IL6ST: variants seen among roughly 807,000 people sequenced by gnomAD.
The protein encoded by IL6ST is interleukin 6 cytokine family signal transducer.
Under a neutral mutation model 91.3 loss-of-function variants are expected in IL6ST, and 24 were observed. That is an observed-to-expected ratio of 0.26 (90% CI 0.19 to 0.37). The LOEUF is 0.37. Ranked by LOEUF, IL6ST falls within the 10% of genes least tolerant of loss-of-function variation. The pLI, the probability that IL6ST is intolerant of heterozygous loss-of-function variation, is 1.00. For synonymous variants in IL6ST, 351 were observed against 373.6 expected (o/e 0.94, Z 0.70); for missense variants, 914 against 1,078.5 (o/e 0.85, Z 2.14).
At position 55,968,389 on chromosome 5, in the gene IL6ST, T is replaced by A. The variant is rs377617302; in HGVS notation, c.378A>T (p.Pro126=). The change falls in exon 5 of 17, where the codon CCA becomes CCT. Residue 126 remains proline (P), a synonymous_variant. Coordinates refer to ENST00000381298, the MANE Select transcript of IL6ST (RefSeq NM_002184.4). ...YGITIISGLP[P]EKPKNLSCIV... is the part of the protein sequence containing the mutation. ...TGCAACTCAAATTTTTAGGTTTTTC[T>A]GGAGGCACTAAAAGGGATTAATTAG... is the stretch of plus-strand genomic sequence containing the variant. 3.7e-6 allele frequency: 6 copies of A among 1,612,388 alleles called. No homozygotes were observed. The African/African-American group carries it at 8.0e-5, about 22-fold the overall frequency.
In IL6ST at chr5:55,941,565, C is replaced by G. The variant is rs752425339; in HGVS notation, c.2274G>C (p.Gln758His). The G allele has an allele frequency of 3.7e-6, 6 of 1,614,206 alleles. No individual in the cohort carries two copies. In the South Asian group the frequency reaches 4.4e-5, roughly 12 times the overall value. The change falls in exon 17 of 17, where the codon CAG (glutamine) becomes CAC (histidine). Residue 758 changes from glutamine to histidine, a missense_variant. By Grantham distance (24) the Gln-to-His change is conservative. Transcript: ENST00000381298. ...ESSQNTSSTV[Q>H]YSTVVHSGYR... The stretch of plus-strand genomic sequence containing the variant: ...AGCCACTGTGTACCACGGTAGAATA[C>G]TGGACAGTGCTCGAAGTGTTTTGTG...
intron 5 of IL6ST, among the ~76,000 whole-genome samples, chr5:55,965,466 T>C (rs375305305): frequency 2.0e-5 from 3 of 152,284 alleles, no homozygotes; most frequent in Non-Finnish European, 4.4e-5. Context: ...CCACAAAACA[T>C]GTCCTAGCTC....
intron 15 of IL6ST, chr5:55,944,731 T>G: frequency 9.8e-7 from 1 of 1,025,436 alleles, no homozygotes; most frequent in Non-Finnish European, 1.5e-6. Context: ...GAGGTCCAAG[T>G]AAACCGCTAG....
Position 55,942,645 on chromosome 5 carries a change from A to G in IL6ST, c.2019+25T>C, listed in dbSNP as rs778526357. On this transcript the variant is annotated intron_variant, in intron 16 of 16. Transcript: ENST00000381298. ...CTACTAACATGTCTGTATATTATAA[A>G]CAACTCAGAAGCATTTTCTCTTACC... 1.1e-5 allele frequency: 15 copies of G among 1,337,940 alleles called. No homozygotes were observed. In the African/African-American group the frequency reaches 2.0e-4, roughly 18 times the overall value. The allele number at this position is 1,337,940 out of a possible 1,614,324, so 82.9% of individuals were successfully genotyped here.
intron 11 of IL6ST, among the ~76,000 whole-genome samples, chr5:55,954,337 C>T (rs1223919667): frequency 1.3e-5 from 2 of 152,154 alleles, no homozygotes; most frequent in African/African-American, 2.4e-5. Context: ...TGGAGCGCTA[C>T]GATTCATTAC....
intron 8 of IL6ST, among the ~76,000 whole-genome samples, chr5:55,959,848 G>A (rs187321688): frequency 2.0e-5 from 3 of 151,946 alleles, no homozygotes; most frequent in Admixed American, 6.6e-5. Flanking sequence ...AACAGTTAAC[G>A]GTTTTCTGAT....
At chr5:55,992,854 AT>A (rs1486462038) in intron 1 of IL6ST, among the ~76,000 whole-genome samples, 1 of 152,198 alleles carries the variant, frequency 6.6e-6, no homozygotes, top group Non-Finnish European at 1.5e-5. Context: ...ATCACTCTGC[AT>A]TTAATTAAAA....
intron 15 of IL6ST, among the ~76,000 whole-genome samples, chr5:55,945,929 G>A (rs1179695288): frequency 1.3e-5 from 2 of 151,870 alleles, no homozygotes; most frequent in East Asian, 1.9e-4. Flanking sequence ...GATTACAGGC[G>A]TAAAACTTCT....
chr5:55,943,661 T>A (rs930647196), intron 15 of IL6ST, among the ~76,000 whole-genome samples: 6 of 152,052 alleles, frequency 3.9e-5, no homozygotes, highest in African/African-American at 1.4e-4. Context: ...ATCATCTCAA[T>A]AGATTCAGAA....
At chr5:55,965,604 A>T (rs1752583330) in intron 5 of IL6ST, among the ~76,000 whole-genome samples, 2 of 152,096 alleles carry the variant, frequency 1.3e-5, no homozygotes, top group South Asian at 4.1e-4. Flanking sequence ...TTTTGGGAAA[A>T]GGTTGATTCC....
chr5:55,945,015 C>T (rs1002013999), intron 15 of IL6ST, among the ~76,000 whole-genome samples: 30 of 144,330 alleles, frequency 2.1e-4, no homozygotes, highest in East Asian at 1.2e-3. Flanking sequence ...TCACCTCTTC[C>T]GCTGTTTTAG....
intron 12 of IL6ST, 65 bp downstream of exon 12, chr5:55,952,185 A>G: frequency 6.7e-7 from 1 of 1,489,582 alleles, no homozygotes; most frequent in Non-Finnish European, 9.2e-7. Flanking sequence ...TTTAAAAGCG[A>G]TAAAATGTTT....
At chr5:55,968,245 T>C in intron 5 of IL6ST, 31 bp downstream of exon 5, 30 of 1,538,744 alleles carry the variant, frequency 1.9e-5, no homozygotes, top group Non-Finnish European at 2.6e-5. Flanking sequence ...CTTTAATAAA[T>C]CTAACATGAA....
chr5:55,948,903 C>T (rs1337732650), intron 14 of IL6ST: 1 of 152,062 alleles, frequency 6.6e-6, no homozygotes, highest in African/African-American at 2.4e-5. Flanking sequence ...TTTACTTATG[C>T]AAAATTTCTT....
At chr5:55,949,911 AG>A (rs1270623772) in intron 14 of IL6ST, among the ~76,000 whole-genome samples, 1 of 152,186 alleles carries the variant, frequency 6.6e-6, no homozygotes, top group African/African-American at 2.4e-5. Context: ...TTCAAAATGT[AG>A]GGGGAGCAAG....
Position 55,939,340 on chromosome 5 carries a change from GA to G in IL6ST, c.*1741del. ...AGTGGGAAACTGAATATATCAGAAT[GA>G]AACATCTATTTTTTTCATAAAGAAG... On this transcript the variant is annotated 3_prime_UTR_variant, in exon 17 of 17. Transcript: ENST00000381298. The G allele has an allele frequency of 9.9e-6, 2 of 202,270 alleles. No individual in the cohort carries two copies. The highest frequency in any genetic ancestry group is 1.5e-4 in the East Asian group (2 of 13,170). 12.5% of individuals were successfully genotyped at this position (202,270 alleles called of 1,614,324 possible). A position where few individuals can be genotyped will look rare whatever the true frequency, so the allele number is the denominator to read the frequency against.
At chr5:55,949,933 G>A (rs1313108108) in intron 14 of IL6ST, among the ~76,000 whole-genome samples, 1 of 152,136 alleles carries the variant, frequency 6.6e-6, no homozygotes, top group Non-Finnish European at 1.5e-5. Context: ...AAAGAATGTT[G>A]GTTAAGTTTG....
intron 1 of IL6ST, among the ~76,000 whole-genome samples, chr5:55,989,836 T>G (rs910306243): frequency 3.9e-5 from 6 of 152,126 alleles, no homozygotes; most frequent in Non-Finnish European, 8.8e-5. Context: ...ATATGAACTC[T>G]ACATCATCTT....
At chr5:55,972,295 GA>G (rs1465354430) in intron 3 of IL6ST, among the ~76,000 whole-genome samples, 3 of 150,618 alleles carry the variant, frequency 2.0e-5, no homozygotes, top group African/African-American at 7.3e-5. Flanking sequence ...GGTGGATCAC[GA>G]GGTCAGGAGA....
Sources: allele counts gnomAD v4.1 joint callset (sites outside exome capture counted in the v4.1 genomes callset), GRCh38; gene constraint gnomAD v4.1.1; transcripts MANE v1.5; gene names NCBI Gene and HGNC (gene_info 2026-07-23, HGNC 2026-07-21).